WDR20: variants seen among roughly 807,000 people sequenced by gnomAD.
WDR20 encodes WD repeat-containing protein 20.
In WDR20, 3 loss-of-function variants were observed where a neutral mutation model predicts 38.7. The observed-to-expected ratio is 0.08, with a 90% CI of 0.04 to 0.20. WDR20 has a LOEUF of 0.20. Among genes scored for constraint, WDR20 ranks in the 10% least tolerant of loss-of-function variants. The pLI, the probability that WDR20 is intolerant of heterozygous loss-of-function variation, is 1.00. For missense variants in WDR20, 559 were observed against 727.7 expected (o/e 0.77, Z 2.67); for synonymous variants, 298 against 285.6 (o/e 1.04, Z -0.44).
intron 1 of WDR20, among the ~76,000 whole-genome samples, chr14:102,160,840 T>TGGGAGGCTGAGGCA (rs2058464934): frequency 7.0e-6 from 1 of 143,178 alleles, no homozygotes; most frequent in Non-Finnish European, 1.5e-5. Context: ...CCCAGCTACT[T>TGGGAGGCTGAGGCA]GGGAGGCTGA....
chr14:102,156,326 T>C (rs2057375224), intron 1 of WDR20, among the ~76,000 whole-genome samples: 1 of 151,484 alleles, frequency 6.6e-6, no homozygotes. Flanking sequence ...CACCCCCACG[T>C]CCAGCTCATT....
intron 1 of WDR20, among the ~76,000 whole-genome samples, chr14:102,150,629 G>A (rs1246802927): frequency 6.6e-6 from 1 of 152,102 alleles, no homozygotes; most frequent in Non-Finnish European, 1.5e-5. Flanking sequence ...AGTAAAACTT[G>A]TACAGGTGCT....
chr14:102,215,718 G>A (rs1178744712), downstream of WDR20, among the ~76,000 whole-genome samples: 2 of 152,186 alleles, frequency 1.3e-5, no homozygotes, highest in Non-Finnish European at 2.9e-5. Context: ...TTAAGGCTTT[G>A]TGCTGGCGTG....
chr14:102,187,542 G>A (rs2065164052), intron 1 of WDR20, among the ~76,000 whole-genome samples: 1 of 152,120 alleles, frequency 6.6e-6, no homozygotes, highest in South Asian at 2.1e-4. Flanking sequence ...GGGTCTTTGG[G>A]GTAATGTATG....
At chr14:102,196,046 C>CT (rs2059359621) in intron 2 of WDR20, 1 of 152,208 alleles carries the variant, frequency 6.6e-6, no homozygotes, top group South Asian at 2.1e-4. Flanking sequence ...AACAAAAACA[C>CT]ATTATAGAGT....
At position 102,222,779 on chromosome 14, in the gene WDR20, T is replaced by TGTTGCCC. The variant is rs763837513; in HGVS notation, c.1693-48_1693-42dup. 83 of 1,609,588 alleles carry TGTTGCCC rather than the reference T, an allele frequency of 5.2e-5. No individual in the cohort carries two copies. The highest frequency in any genetic ancestry group is 7.0e-5 in the Non-Finnish European group (82 of 1,176,340). On this transcript the variant is annotated intron_variant, in intron 3 of 3. Coordinates refer to the WDR20 transcript ENST00000335263. This position sits in a 1 kb window ranked among gnomAD's most constrained non-coding sequence, Gnocchi z 4.4. ...GCTGGCGGAGGGCGCGCATGGTGGC[T>TGTTGCCC]GTTGCCCGTCCGGTGTTTTGCTGGA...
chr14:102,206,404 T>C (rs546022923), intron 2 of WDR20, among the ~76,000 whole-genome samples: 11 of 152,362 alleles, frequency 7.2e-5, no homozygotes, highest in Admixed American at 7.2e-4. Flanking sequence ...AAAGCAATAC[T>C]GTTTTTACTT....
At chr14:102,156,615 C>T (rs1376209137) in intron 1 of WDR20, among the ~76,000 whole-genome samples, 1 of 151,868 alleles carries the variant, frequency 6.6e-6, no homozygotes, top group South Asian at 2.1e-4. Context: ...CTCAAGTGAC[C>T]CTTCTGCTCT....
chr14:102,190,027 G>A (rs1248368259), intron 1 of WDR20, among the ~76,000 whole-genome samples: 1 of 152,264 alleles, frequency 6.6e-6, no homozygotes, highest in East Asian at 1.9e-4. Flanking sequence ...AGAGGGTGAC[G>A]TAAGCCAAGA....
intron 1 of WDR20, among the ~76,000 whole-genome samples, chr14:102,161,175 G>T (rs2058670588): frequency 2.1e-5 from 1 of 47,128 alleles, no homozygotes. Flanking sequence ...TTTTGAGGCA[G>T]AGTCTCACTC....
intron 1 of WDR20, chr14:102,157,175 T>C (rs2057623977): frequency 1.3e-5 from 2 of 151,914 alleles, no homozygotes; most frequent in South Asian, 4.1e-4. Context: ...GGTGGGAGGA[T>C]CACTTGAACC....
chr14:102,183,364 G>T (rs1351806695), intron 1 of WDR20, among the ~76,000 whole-genome samples: 1 of 152,218 alleles, frequency 6.6e-6, no homozygotes, highest in Non-Finnish European at 1.5e-5. Flanking sequence ...ACTTGTTTTA[G>T]TAGCTGATCT....
chr14:102,190,697 T>C (rs1442650287), intron 1 of WDR20, among the ~76,000 whole-genome samples: 1 of 149,968 alleles, frequency 6.7e-6, no homozygotes, highest in Non-Finnish European at 1.5e-5. Context: ...TACATTGACT[T>C]GATAGAAATT....
At chr14:102,164,259 T>A (rs1017954126) in intron 1 of WDR20, among the ~76,000 whole-genome samples, 1 of 152,200 alleles carries the variant, frequency 6.6e-6, no homozygotes, top group Non-Finnish European at 1.5e-5. Flanking sequence ...CCAGCCACTT[T>A]TAATCATTGA....
chr14:102,157,993 C>T (rs1017593200), intron 1 of WDR20, among the ~76,000 whole-genome samples: 6 of 152,018 alleles, frequency 3.9e-5, no homozygotes, highest in East Asian at 1.9e-4. Flanking sequence ...AGTGCTGTCT[C>T]GGGGTGCTAT....
At chr14:102,162,350 T>A (rs1052675007) in intron 1 of WDR20, among the ~76,000 whole-genome samples, 1 of 152,142 alleles carries the variant, frequency 6.6e-6, no homozygotes, top group Non-Finnish European at 1.5e-5. Flanking sequence ...GCTGCCACCT[T>A]TTCACACAAT....
chr14:102,214,419 C>CTGTT, downstream of WDR20: 2 of 985,436 alleles, frequency 2.0e-6, no homozygotes, highest in African/African-American at 3.5e-5. Context: ...TCGTATGCAA[C>CTGTT]TGTTACCTTT....
intron 2 of WDR20, among the ~76,000 whole-genome samples, chr14:102,203,812 TGA>T (rs2060978427): frequency 6.6e-6 from 1 of 152,192 alleles, no homozygotes. Context: ...CATTGAGCAC[TGA>T]CTAAGATTTT....
At chr14:102,151,803 A>G (rs1183145216) in intron 1 of WDR20, among the ~76,000 whole-genome samples, 3 of 151,516 alleles carry the variant, frequency 2.0e-5, no homozygotes, top group Non-Finnish European at 4.4e-5. Context: ...GCAGTGACAC[A>G]ATCATGGCTC....
Sources: allele counts gnomAD v4.1 joint callset (sites outside exome capture counted in the v4.1 genomes callset), GRCh38; gene constraint gnomAD v4.1.1; non-coding constraint Gnocchi (gnomAD v3.1); transcripts MANE v1.5; gene names NCBI Gene and HGNC (gene_info 2026-07-23, HGNC 2026-07-21).